SLC2A9: variants seen among roughly 807,000 people sequenced by gnomAD.
The protein encoded by SLC2A9 is solute carrier family 2 member 9, also known as solute carrier family 2, facilitated glucose transporter member 9.
SLC2A9 carries 39 observed loss-of-function variants against 50.6 expected under a neutral mutation model. The observed-to-expected ratio is 0.77, with a 90% CI of 0.60 to 1.01. The LOEUF (loss-of-function observed/expected upper bound fraction) is 1.01. Among genes scored for constraint, SLC2A9 ranks in the 50% least tolerant of loss-of-function variants. The pLI, the probability that SLC2A9 is intolerant of heterozygous loss-of-function variation, is 0.00. For synonymous variants in SLC2A9, 324 were observed against 276.9 expected, an observed-to-expected ratio of 1.17 and a Z score of -1.69; for missense variants, 686 against 677.6, an observed-to-expected ratio of 1.01 and a Z score of -0.14.
Position 9,875,450 on chromosome 4 carries a change from T to C in SLC2A9, c.1291+12117A>G, listed in dbSNP as rs367575563. Among the ~76,000 whole-genome samples the C allele has an allele frequency of 1.3e-4, 20 of 152,352 alleles. No homozygotes were observed. The South Asian group carries it at 3.7e-3, about 28-fold the overall frequency. The stretch of plus-strand genomic sequence containing the variant: ...GTGCAGTGCACACCCTGAGAACCCA[T>C]ACTTGGTGGCTCTGCTTGCTCTGAC... On this transcript the variant is annotated intron_variant, in intron 10 of 11. Transcript: ENST00000264784.
chr4:9,922,873 C>T (rs541673151), intron 6 of SLC2A9: 3 of 152,500 alleles, frequency 2.0e-5, no homozygotes, highest in African/African-American at 7.2e-5. Context: ...GCCTCCCACA[C>T]CCTTCAGCCC....
intron 3 of SLC2A9, among the ~76,000 whole-genome samples, chr4:9,800,900 G>A (rs952517581): frequency 1.3e-5 from 2 of 152,084 alleles, no homozygotes. Flanking sequence ...GATACCGAGG[G>A]ACAACTGTAT....
intron 10 of SLC2A9, among the ~76,000 whole-genome samples, chr4:9,877,785 C>G (rs1172303603): frequency 6.6e-6 from 1 of 152,174 alleles, no homozygotes; most frequent in Admixed American, 6.5e-5. Context: ...TTTATGTTAT[C>G]TGATGCTCCT....
chr4:9,872,720 GAAC>G (rs3832312), intron 10 of SLC2A9, among the ~76,000 whole-genome samples: 10,309 of 151,994 alleles, frequency 0.068, 796 homozygotes, highest in East Asian at 0.24. Context: ...GAAGCAGAAG[GAAC>G]AACAACAAAA....
chr4:9,772,658 A>T (rs1366830255), intron 1 of SLC2A9, among the ~76,000 whole-genome samples: 1 of 152,170 alleles, frequency 6.6e-6, no homozygotes, highest in Non-Finnish European at 1.5e-5. Context: ...ACAAGAAATA[A>T]ACACTTGTTT....
intron 3 of SLC2A9, chr4:9,782,397 G>T: frequency 1.2e-6 from 2 of 1,614,042 alleles, no homozygotes; most frequent in Non-Finnish European, 1.7e-6. Context: ...GACATCATGT[G>T]CTCCACTGCC....
At chr4:9,976,330 C>A (rs1414977176) in intron 5 of SLC2A9, among the ~76,000 whole-genome samples, 4 of 151,052 alleles carry the variant, frequency 2.6e-5, no homozygotes, top group Non-Finnish European at 4.4e-5. Flanking sequence ...AAAGCAATTG[C>A]CTTCATTGAA....
chr4:9,840,299 A>G (rs1252457152), intron 10 of SLC2A9, among the ~76,000 whole-genome samples: 1 of 152,156 alleles, frequency 6.6e-6, no homozygotes, highest in African/African-American at 2.4e-5. Context: ...TATCTCTCTT[A>G]CTGAAGGCCT....
chr4:9,785,901 T>G (rs1483497815), intron 3 of SLC2A9, among the ~76,000 whole-genome samples: 1 of 152,098 alleles, frequency 6.6e-6, no homozygotes, highest in Admixed American at 6.5e-5. Context: ...AGTAGGGTGG[T>G]GAAGCTGCTG....
intron 1 of SLC2A9, among the ~76,000 whole-genome samples, chr4:10,020,156 G>A (rs1357831789): frequency 6.6e-6 from 1 of 152,010 alleles, no homozygotes; most frequent in Non-Finnish European, 1.5e-5. Flanking sequence ...ACCCATATCA[G>A]TCAAATCCCG....
intron 2 of SLC2A9, among the ~76,000 whole-genome samples, chr4:10,010,879 G>C (rs1361700427): frequency 6.6e-6 from 1 of 152,028 alleles, no homozygotes; most frequent in African/African-American, 2.4e-5. Context: ...TCTCAACTTT[G>C]GTCCTTTTTT....
chr4:10,029,194 C>T (rs1763849392), intron 1 of SLC2A9: 1 of 152,292 alleles, frequency 6.6e-6, no homozygotes, highest in Admixed American at 6.5e-5. Context: ...GAATGCCTTC[C>T]AGACGACTAG....
chr4:10,010,452 C>T (rs1164158879), intron 2 of SLC2A9, among the ~76,000 whole-genome samples: 6 of 152,112 alleles, frequency 3.9e-5, no homozygotes, highest in Non-Finnish European at 8.8e-5. Context: ...AATGTGTTAC[C>T]ATATGTTCAC....
At chr4:9,856,924 G>A (rs190229873) in intron 10 of SLC2A9, among the ~76,000 whole-genome samples, 1 of 152,234 alleles carries the variant, frequency 6.6e-6, no homozygotes, top group East Asian at 1.9e-4. Flanking sequence ...GAGCACACAT[G>A]GACACAAGGG....
At chr4:9,862,694 C>T (rs528318512) in intron 10 of SLC2A9, among the ~76,000 whole-genome samples, 52 of 152,096 alleles carry the variant, frequency 3.4e-4, no homozygotes, top group Non-Finnish European at 6.8e-4. Flanking sequence ...CTGCCTGCAG[C>T]GCTAGCTTCT....
intron 6 of SLC2A9, among the ~76,000 whole-genome samples, chr4:9,937,358 T>G (rs1381638692): frequency 2.0e-5 from 3 of 152,170 alleles, no homozygotes; most frequent in African/African-American, 7.2e-5. Context: ...GGGCCTCTGT[T>G]TCTTCACTCA....
intron 4 of SLC2A9, 51 bp downstream of exon 4, chr4:9,985,618 C>G: frequency 6.2e-7 from 1 of 1,611,844 alleles, no homozygotes; most frequent in South Asian, 1.1e-5. Flanking sequence ...CATTTTGGGA[C>G]ACCCCCAAGG....
chr4:9,905,344 G>C (rs1316154154), intron 8 of SLC2A9, among the ~76,000 whole-genome samples: 1 of 152,238 alleles, frequency 6.6e-6, no homozygotes, highest in Admixed American at 6.5e-5. Flanking sequence ...CCATGGCAAA[G>C]GCCCTCTGTA....
intron 8 of SLC2A9, among the ~76,000 whole-genome samples, chr4:9,898,133 T>C (rs2109866483): frequency 1.3e-5 from 2 of 152,300 alleles, no homozygotes; most frequent in East Asian, 3.9e-4. Context: ...TAAATTCCTG[T>C]TGTTTAAGCC....
Sources: gnomAD v4.1 joint callset for allele counts (sites outside exome capture counted in the v4.1 genomes callset) on GRCh38, gnomAD v4.1.1 for gene constraint, MANE v1.5 for transcripts, NCBI Gene and HGNC (gene_info 2026-07-23, HGNC 2026-07-21) for gene names.